Variants in PTPRT observed in about 807,000 individuals in gnomAD.
The protein encoded by PTPRT is protein tyrosine phosphatase receptor type T, also known as receptor-type tyrosine-protein phosphatase T.
PTPRT carries 56 observed loss-of-function variants against 176.8 expected under a neutral mutation model. The observed-to-expected ratio is 0.32, with a 90% confidence interval of 0.26 to 0.40. The LOEUF (loss-of-function observed/expected upper bound fraction) is 0.40, where lower values mean the gene tolerates loss of function less well. PTPRT is among the 10% of genes least tolerant of loss of function. The pLI, the probability that PTPRT is intolerant of heterozygous loss-of-function variation, is 1.00. For missense variants in PTPRT, 1,540 were observed against 1,908.2 expected, an observed-to-expected ratio of 0.81 and a Z score of 3.60; for synonymous variants, 783 against 739.0, an observed-to-expected ratio of 1.06 and a Z score of -0.96.
At chr20:43,001,453 A>G (rs1984545757) in intron 1 of PTPRT, among the ~76,000 whole-genome samples, 1 of 151,234 alleles carries the variant, frequency 6.6e-6, no homozygotes, top group Admixed American at 6.6e-5. Flanking sequence ...GGTATTCCCT[A>G]TAGCAAAGGT....
intron 1 of PTPRT, among the ~76,000 whole-genome samples, chr20:43,107,904 T>C (rs1465431757): frequency 6.6e-6 from 1 of 152,248 alleles, no homozygotes; most frequent in Non-Finnish European, 1.5e-5. Flanking sequence ...AGTGAATTAA[T>C]GTTGGGTTAT....
intron 9 of PTPRT, among the ~76,000 whole-genome samples, chr20:42,419,977 G>A (rs747749048): frequency 1.2e-3 from 179 of 152,270 alleles, no homozygotes; most frequent in Non-Finnish European, 2.1e-3. Context: ...AGCAGAAGCT[G>A]TGAAAAAGCC....
intron 18 of PTPRT, among the ~76,000 whole-genome samples, chr20:42,141,168 C>T (rs1568965052): frequency 6.6e-6 from 1 of 152,176 alleles, no homozygotes. Flanking sequence ...TCAGTACCTC[C>T]CGAGGTGCAC....
rs148620150 is a variant in PTPRT at position 43,048,392 on chromosome 20, G to A, written c.88+141254C>T. Among the ~76,000 whole-genome samples the A allele has an allele frequency of 4.7e-3, 711 of 152,274 alleles. 5 individuals carry two copies. Among genetic ancestry groups the A allele is most frequent in the South Asian group, 8.9e-3 (43 of 4,830 alleles). ...TGGCAGGCTAACTATGGGTCCTAGG[G>A]AGCCAGGGAAGGGGGTGCACAACAG... On this transcript the variant is annotated intron_variant, in intron 1 of 30. Coordinates refer to ENST00000373187, the MANE Select transcript of PTPRT (RefSeq NM_007050.6).
At chr20:42,071,961 T>C (rs1027201097), downstream of PTPRT, among the ~76,000 whole-genome samples, 9 of 152,200 alleles carry the variant, frequency 5.9e-5, no homozygotes, top group African/African-American at 2.2e-4. Context: ...CCTGGCCAAC[T>C]TCAGCATTTA....
intron 27 of PTPRT, among the ~76,000 whole-genome samples, chr20:42,088,935 A>G (rs992219747): frequency 6.6e-6 from 1 of 152,246 alleles, no homozygotes; most frequent in Admixed American, 6.5e-5. Flanking sequence ...AGTGCTCAAC[A>G]AAAATAATAA....
chr20:42,402,222 C>T (rs1032392333), intron 9 of PTPRT, among the ~76,000 whole-genome samples: 1 of 151,962 alleles, frequency 6.6e-6, no homozygotes, highest in African/African-American at 2.4e-5. Flanking sequence ...TTTTGGTTCC[C>T]CAAAACATCC....
intron 7 of PTPRT, among the ~76,000 whole-genome samples, chr20:42,507,481 G>A (rs1237596526): frequency 1.3e-5 from 2 of 151,994 alleles, no homozygotes; most frequent in African/African-American, 4.8e-5. Context: ...CAAAAACATT[G>A]GAGATACACC....
intron 1 of PTPRT, among the ~76,000 whole-genome samples, chr20:42,886,926 T>C: frequency 6.6e-6 from 1 of 152,192 alleles, no homozygotes; most frequent in East Asian, 1.9e-4. Context: ...CATTCTGAGT[T>C]GAGCCTGCAG....
At chr20:42,974,901 T>C (rs981134960) in intron 1 of PTPRT, among the ~76,000 whole-genome samples, 1 of 152,224 alleles carries the variant, frequency 6.6e-6, no homozygotes, top group Non-Finnish European at 1.5e-5. Flanking sequence ...CTTCACTTTT[T>C]GAGTATGATT....
chr20:42,911,723 G>A lies in PTPRT; in HGVS notation c.89-25791C>T, dbSNP rs139986914. Among the ~76,000 whole-genome samples, 802 of 152,056 alleles carry A rather than the reference G, an allele frequency of 5.3e-3. 9 individuals are homozygous for A. Among genetic ancestry groups the A allele is most frequent in the African/African-American group, 0.018 (752 of 41,488 alleles). On this transcript the variant is annotated intron_variant, in intron 1 of 30. Transcript: ENST00000373187. ...TTAAAAACACAATCCCCTCTAAACC[G>A]CATTTTTCCAGGAGTTGCCACTGTT...
intron 2 of PTPRT, among the ~76,000 whole-genome samples, chr20:42,873,489 G>C (rs1339414740): frequency 2.6e-5 from 4 of 152,132 alleles, no homozygotes; most frequent in Non-Finnish European, 5.9e-5. Context: ...TAATAATCTA[G>C]GAGAGTATTG....
intron 7 of PTPRT, among the ~76,000 whole-genome samples, chr20:42,612,693 A>C (rs1261596439): frequency 6.6e-6 from 1 of 152,130 alleles, no homozygotes. Context: ...ACAGATTATC[A>C]TGCAAACCCA....
intron 1 of PTPRT, among the ~76,000 whole-genome samples, chr20:43,162,565 C>T (rs2014727373): frequency 1.3e-5 from 2 of 152,226 alleles, no homozygotes; most frequent in African/African-American, 2.4e-5. Flanking sequence ...AAGCACACAA[C>T]GATCAATGCC....
intron 2 of PTPRT, among the ~76,000 whole-genome samples, chr20:42,792,468 CAA>C (rs1482257775): frequency 6.6e-6 from 1 of 152,100 alleles, no homozygotes; most frequent in Non-Finnish European, 1.5e-5. Context: ...TGGCCAGAGA[CAA>C]AGTGAGTCCC....
At chr20:42,943,146 G>A (rs1980673306) in intron 1 of PTPRT, among the ~76,000 whole-genome samples, 1 of 152,212 alleles carries the variant, frequency 6.6e-6, no homozygotes, top group South Asian at 2.1e-4. Context: ...CCTCAGCTAA[G>A]ACTGGCATTC....
At chr20:42,180,671 G>T (rs535154790) in intron 16 of PTPRT, among the ~76,000 whole-genome samples, 3 of 152,272 alleles carry the variant, frequency 2.0e-5, no homozygotes, top group Admixed American at 2.0e-4. Context: ...TTGAATAAAT[G>T]AGTGGCAGCA....
intron 9 of PTPRT, among the ~76,000 whole-genome samples, chr20:42,379,192 T>C (rs939655734): frequency 2.0e-5 from 3 of 152,248 alleles, no homozygotes; most frequent in Non-Finnish European, 2.9e-5. Context: ...CCTTGGCATA[T>C]GCTGTCACCT....
intron 1 of PTPRT, among the ~76,000 whole-genome samples, chr20:42,917,982 C>T (rs762597222): frequency 7.2e-5 from 11 of 152,118 alleles, no homozygotes; most frequent in African/African-American, 1.7e-4. Context: ...TACTAGCGGT[C>T]GCGTGTCCCA....
Sources: gnomAD v4.1 joint callset for allele counts (sites outside exome capture counted in the v4.1 genomes callset) on GRCh38, gnomAD v4.1.1 for gene constraint, MANE v1.5 for transcripts, NCBI Gene and HGNC (gene_info 2026-07-23, HGNC 2026-07-21) for gene names.